The following RAB27B variants were observed in gnomAD, a reference collection of about 807,000 sequenced individuals.
The protein encoded by RAB27B is RAB27B, member RAS oncogene family.
Under a neutral mutation model 24.6 loss-of-function variants are expected in RAB27B, and 15 were observed. That is an observed-to-expected ratio of 0.61 (90% confidence interval 0.41 to 0.94). The LOEUF (loss-of-function observed/expected upper bound fraction) is 0.94. Among genes scored for constraint, RAB27B ranks in the 40% least tolerant of loss-of-function variants. RAB27B has a pLI of 0.00. For missense variants in RAB27B, 261 were observed against 266.8 expected (o/e 0.98, Z 0.15); for synonymous variants, 105 against 92.5 (o/e 1.14, Z -0.78).
intron 1 of RAB27B, among the ~76,000 whole-genome samples, chr18:54,865,739 T>A (rs73956724): frequency 0.036 from 5,517 of 152,302 alleles, 343 homozygotes; most frequent in African/African-American, 0.13. Context: ...AATAAGCTAA[T>A]GTTAAATGTT....
At chr18:54,805,393 A>G (rs1051014019) in intron 2 of RAB27B, among the ~76,000 whole-genome samples, 3 of 152,188 alleles carry the variant, frequency 2.0e-5, no homozygotes, top group African/African-American at 7.2e-5. Context: ...AGACTGTATA[A>G]TGTTAAAACT....
chr18:54,785,188 G>A (rs1486507487), intron 2 of RAB27B, among the ~76,000 whole-genome samples: 1 of 151,698 alleles, frequency 6.6e-6, no homozygotes, highest in Admixed American at 6.6e-5. Flanking sequence ...TGCAACCTTC[G>A]CCTCCCAGGT....
At chr18:54,884,882 T>TGTGA (rs1913070441) in intron 4 of RAB27B, among the ~76,000 whole-genome samples, 1 of 152,076 alleles carries the variant, frequency 6.6e-6, no homozygotes, top group East Asian at 1.9e-4. Context: ...GTTAATTAGG[T>TGTGA]GTGAAACCAG....
intron 4 of RAB27B, among the ~76,000 whole-genome samples, chr18:54,885,655 G>A (rs55708508): frequency 0.038 from 5,778 of 152,114 alleles, 378 homozygotes; most frequent in African/African-American, 0.13. Context: ...ACACTTTATA[G>A]GTCATGGCCA....
chr18:54,763,351 C>T (rs1297874957), intron 2 of RAB27B, among the ~76,000 whole-genome samples: 1 of 151,954 alleles, frequency 6.6e-6, no homozygotes, highest in Admixed American at 6.6e-5. Context: ...AGTCACAATA[C>T]AGACCAATGA....
chr18:54,738,828 A>G (rs1909981357), intron 2 of RAB27B, among the ~76,000 whole-genome samples: 1 of 152,176 alleles, frequency 6.6e-6, no homozygotes, highest in Non-Finnish European at 1.5e-5. Flanking sequence ...TACTTTACCT[A>G]AAATAAGCCT....
At chr18:54,764,469 C>T (rs73959300) in intron 2 of RAB27B, among the ~76,000 whole-genome samples, 8,495 of 152,206 alleles carry the variant, frequency 0.056, 305 homozygotes, top group Admixed American at 0.085. Context: ...TCACTTTTCT[C>T]GTCTGCACAA....
At chr18:54,858,305 G>T (rs1568100671) in intron 1 of RAB27B, among the ~76,000 whole-genome samples, 2 of 151,582 alleles carry the variant, frequency 1.3e-5, no homozygotes, top group Non-Finnish European at 2.9e-5. Context: ...TAAGCATTTA[G>T]TTTTCATAAT....
intron 2 of RAB27B, among the ~76,000 whole-genome samples, chr18:54,756,401 G>A (rs1187352393): frequency 1.3e-5 from 2 of 152,048 alleles, no homozygotes; most frequent in African/African-American, 4.8e-5. Context: ...GCTCAACATT[G>A]ATATCCTGAC....
chr18:54,822,279 GA>G (rs1187794704), intron 2 of RAB27B, among the ~76,000 whole-genome samples: 1 of 152,042 alleles, frequency 6.6e-6, no homozygotes, highest in African/African-American at 2.4e-5. Context: ...TTAGATGCCT[GA>G]AAAAAATACC....
At chr18:54,842,610 C>A (rs1911160965) in intron 1 of RAB27B, among the ~76,000 whole-genome samples, 1 of 152,078 alleles carries the variant, frequency 6.6e-6, no homozygotes, top group African/African-American at 2.4e-5. Context: ...TGCGTCAAAG[C>A]AAAAATCAAA....
At chr18:54,720,019 A>G (rs2144969035) in intron 2 of RAB27B, among the ~76,000 whole-genome samples, 1 of 152,224 alleles carries the variant, frequency 6.6e-6, no homozygotes, top group East Asian at 1.9e-4. Context: ...TTTATTCAGA[A>G]TTTGACAGAC....
intron 2 of RAB27B, among the ~76,000 whole-genome samples, chr18:54,733,016 C>T (rs1191224351): frequency 2.0e-5 from 3 of 152,024 alleles, no homozygotes; most frequent in African/African-American, 4.8e-5. Flanking sequence ...TCAAATTCAA[C>T]TCATCACCTG....
intron 2 of RAB27B, among the ~76,000 whole-genome samples, chr18:54,820,655 C>T (rs572451865): frequency 1.7e-4 from 26 of 152,104 alleles, no homozygotes; most frequent in Non-Finnish European, 3.4e-4. Flanking sequence ...CTTTTGTTGC[C>T]ATTGCTTTTG....
intron 1 of RAB27B, among the ~76,000 whole-genome samples, chr18:54,875,541 GTT>G (rs11339253): frequency 7.8e-5 from 2 of 25,658 alleles, no homozygotes; most frequent in African/African-American, 1.1e-4. Context: ...CTTTGTCTAG[GTT>G]TTTTTTTTTT....
At chr18:54,805,468 TTCTAGG>T (rs1909762192) in intron 2 of RAB27B, among the ~76,000 whole-genome samples, 1 of 152,196 alleles carries the variant, frequency 6.6e-6, no homozygotes, top group East Asian at 1.9e-4. Flanking sequence ...TCAGGGTACT[TTCTAGG>T]TACATATACA....
At chr18:54,776,806 C>A (rs1266253891) in intron 2 of RAB27B, among the ~76,000 whole-genome samples, 1 of 152,122 alleles carries the variant, frequency 6.6e-6, no homozygotes, top group Non-Finnish European at 1.5e-5. Flanking sequence ...TGCCCGTAAT[C>A]CCAGCACTTT....
rs66477137 is a variant in RAB27B, at chr18:54,845,405, C to CAA, written c.-20+16718_-20+16719dup. Among the ~76,000 whole-genome samples, 24 of 118,884 alleles carry CAA rather than the reference C, an allele frequency of 2.0e-4. 2 individuals are homozygous for CAA. The highest frequency in any genetic ancestry group is 1.7e-3 in the East Asian group (7 of 4,228). 78.0% of individuals were successfully genotyped at this position (118,884 alleles called of 152,430 possible). A position where few individuals can be genotyped will look rare whatever the true frequency, so the allele number is the denominator to read the frequency against. On this transcript the variant is annotated intron_variant, in intron 1 of 5. Coordinates refer to ENST00000262094, the MANE Select transcript of RAB27B (RefSeq NM_004163.4). ...CTGGGCGATAAGTGAGACTCCATCT[C>CAA]AAAAAAAAAAAAAATAAAATAAAAT...
At chr18:54,780,004 C>T (rs1908845266) in intron 2 of RAB27B, among the ~76,000 whole-genome samples, 1 of 148,024 alleles carries the variant, frequency 6.8e-6, no homozygotes. Flanking sequence ...GCTTCCCCCT[C>T]ACCGTGTCTC....
Sources: allele counts gnomAD v4.1 joint callset (sites outside exome capture counted in the v4.1 genomes callset), GRCh38; gene constraint gnomAD v4.1.1; transcripts MANE v1.5; gene names NCBI Gene and HGNC (gene_info 2026-07-23, HGNC 2026-07-21).